Variants in ANKRD28 observed in about 807,000 individuals in gnomAD.
The protein encoded by ANKRD28 is ankyrin repeat domain 28, also known as serine/threonine-protein phosphatase 6 regulatory ankyrin repeat subunit A.
In ANKRD28, 44 loss-of-function variants were observed where a neutral mutation model predicts 126.5. The observed-to-expected ratio is 0.35, with a 90% CI of 0.27 to 0.45. ANKRD28 has a LOEUF of 0.45. Among genes scored for constraint, ANKRD28 ranks in the 20% least tolerant of loss-of-function variants. The pLI is 1.00. For synonymous variants in ANKRD28, 442 were observed against 468.5 expected (o/e 0.94, Z 0.73); for missense variants, 1,110 against 1,316.6 (o/e 0.84, Z 2.43).
chr3:15,735,306 T>G, intron 6 of ANKRD28, 104 bp downstream of exon 6: 1 of 957,760 alleles, frequency 1.0e-6, no homozygotes, highest in Non-Finnish European at 1.5e-6. Flanking sequence ...ACTGTGTAGC[T>G]TTTCAGTACC....
chr3:15,782,401 T>G (rs1460326838), intron 2 of ANKRD28, among the ~76,000 whole-genome samples: 3 of 152,222 alleles, frequency 2.0e-5, no homozygotes, highest in Non-Finnish European at 2.9e-5. Context: ...ACATTTATAA[T>G]GAAATTACAA....
At chr3:15,715,799 G>T (rs928589226) in intron 8 of ANKRD28, among the ~76,000 whole-genome samples, 2 of 151,828 alleles carry the variant, frequency 1.3e-5, no homozygotes, top group African/African-American at 2.4e-5. Flanking sequence ...AAAACACTCA[G>T]ATAACACATC....
chr3:15,800,986 G>T (rs1225789244), upstream of ANKRD28, among the ~76,000 whole-genome samples: 1 of 152,066 alleles, frequency 6.6e-6, no homozygotes, highest in Non-Finnish European at 1.5e-5. Flanking sequence ...TAGAAACAGA[G>T]AAAGTACTTC....
chr3:15,811,380 G>A (rs1048033721), intron 1 of ANKRD28, among the ~76,000 whole-genome samples: 1 of 152,212 alleles, frequency 6.6e-6, no homozygotes, highest in Non-Finnish European at 1.5e-5. Flanking sequence ...AATAGTATTT[G>A]TGAAATAAAA....
In ANKRD28 at chr3:15,852,599, C is replaced by T. The variant is rs528088848; in HGVS notation, c.27+6778G>A. On this transcript the variant is annotated intron_variant, in intron 1 of 27. Coordinates refer to the ANKRD28 transcript ENST00000399451. The stretch of plus-strand genomic sequence containing the variant: ...CTGTAATCCCAGCACTTTGGGAGGC[C>T]GAGGCGGGCGGATCACGAGGTCAGG... Among the ~76,000 whole-genome samples, 135 of 151,730 alleles carry T rather than the reference C, an allele frequency of 8.9e-4. 2 individuals are homozygous for T. The highest frequency in any genetic ancestry group is 5.8e-4 in the East Asian group (3 of 5,168).
rs1323268292 is a variant in ANKRD28 at position 15,786,016 on chromosome 3, T to A, written c.201+9207A>T. On this transcript the variant is annotated intron_variant, in intron 2 of 27. Coordinates refer to ENST00000683139, the MANE Select transcript of ANKRD28 (RefSeq NM_001349278.2). ...AACTATGGAGACAATGTAAAAAAAA[T>A]TACCAGGGACTGGGGGGAAGAACGA... 4.6e-5 allele frequency among the ~76,000 whole-genome samples: 7 copies of A among 151,706 alleles called. No individual in the cohort carries two copies. The East Asian group carries it at 1.4e-3, about 29-fold the overall frequency.
intron 4 of ANKRD28, among the ~76,000 whole-genome samples, chr3:15,749,005 G>T: frequency 6.6e-6 from 1 of 151,400 alleles, no homozygotes; most frequent in Admixed American, 6.6e-5. Context: ...AGTGCATTTT[G>T]CATGTCTCTA....
intron 1 of ANKRD28, among the ~76,000 whole-genome samples, chr3:15,828,629 C>T (rs2061121325): frequency 8.2e-6 from 1 of 121,460 alleles, no homozygotes; most frequent in Non-Finnish European, 1.6e-5. Context: ...CTTTCTATAA[C>T]ACCAGCTTAA....
Position 15,759,266 on chromosome 3 carries a change from CA to C in ANKRD28, c.280+6967del, listed in dbSNP as rs1369897170. On this transcript the variant is annotated intron_variant, in intron 3 of 27. Transcript: ENST00000683139. ...GAATTCTGCCTCTAGCTTTTACTAG[CA>C]GTATAAAAACTTTGAAAGTTTAAAA... Among the ~76,000 whole-genome samples the C allele has an allele frequency of 2.6e-5, 4 of 152,044 alleles. No homozygotes were observed. The East Asian group carries it at 7.7e-4, about 29-fold the overall frequency.
rs79007023 is a variant in ANKRD28, at chr3:15,707,841, C to A, written c.1547+83G>T. ...CAACAAAAAATACAAAGAGGAAACA[C>A]AAATTTGCAACAAAAACATCCATAT... On this transcript the variant is annotated intron_variant, in intron 14 of 27. Coordinates refer to ENST00000683139, the MANE Select transcript of ANKRD28 (RefSeq NM_001349278.2). 4.3e-3 allele frequency: 6,436 copies of A among 1,496,044 alleles called. 34 individuals carry two copies. Among genetic ancestry groups the A allele is most frequent in the East Asian group, 0.02 (844 of 42,884 alleles). 92.7% of individuals were successfully genotyped at this position (1,496,044 alleles called of 1,614,324 possible).
chr3:15,759,513 A>G (rs1361490024), intron 3 of ANKRD28, among the ~76,000 whole-genome samples: 1 of 152,180 alleles, frequency 6.6e-6, no homozygotes, highest in Admixed American at 6.5e-5. Flanking sequence ...GTGCCACGCC[A>G]AAAATTATAC....
At chr3:15,852,832 CAAAAAA>C (rs71064237) in intron 1 of ANKRD28, among the ~76,000 whole-genome samples, 3 of 64,012 alleles carry the variant, frequency 4.7e-5, no homozygotes, top group Admixed American at 4.0e-4. Flanking sequence ...GACTCTGTCT[CAAAAAA>C]AAAAAAAAAA....
intron 2 of ANKRD28, among the ~76,000 whole-genome samples, chr3:15,776,882 G>A (rs1397954751): frequency 6.6e-6 from 1 of 152,160 alleles, no homozygotes; most frequent in African/African-American, 2.4e-5. Context: ...AGAATTGACA[G>A]AAAACAAAAG....
At position 15,767,655 on chromosome 3, in the gene ANKRD28, G is replaced by A. The variant is rs2058803637; in HGVS notation, c.202-1343C>T. Among the ~76,000 whole-genome samples the A allele has an allele frequency of 1.4e-5, 2 of 138,814 alleles. 1 individual carries two copies. 91.1% of individuals were successfully genotyped at this position (138,814 alleles called of 152,430 possible). On this transcript the variant is annotated intron_variant, in intron 2 of 27. Transcript: ENST00000683139. ...GGTGGCGGGTGGATCACGAGGTCAGGAGATCGAGACCATCCTGGCTAACAC... is the reference window on the plus strand; with the variant it reads ...GGTGGCGGGTGGATCACGAGGTCAGAAGATCGAGACCATCCTGGCTAACAC...
chr3:15,776,171 G>C (rs1450034884), intron 2 of ANKRD28, among the ~76,000 whole-genome samples: 3 of 152,210 alleles, frequency 2.0e-5, no homozygotes, highest in Non-Finnish European at 4.4e-5. Flanking sequence ...CAAGAATGTG[G>C]TCCAAAGATG....
At chr3:15,781,829 G>A (rs1367831751) in intron 2 of ANKRD28, among the ~76,000 whole-genome samples, 1 of 152,114 alleles carries the variant, frequency 6.6e-6, no homozygotes, top group Non-Finnish European at 1.5e-5. Context: ...AGCGAACAAA[G>A]GGGCTGGAAT....
chr3:15,680,544 T>C (rs537263196), intron 21 of ANKRD28, among the ~76,000 whole-genome samples: 1 of 152,258 alleles, frequency 6.6e-6, no homozygotes, highest in East Asian at 1.9e-4. Context: ...AGCTTCACAG[T>C]ATCAAAGTAT....
chr3:15,737,266 G>T (rs747070805), intron 4 of ANKRD28, 33 bp from the exon 5 acceptor site: 3 of 1,564,780 alleles, frequency 1.9e-6, no homozygotes, highest in South Asian at 1.1e-5. Context: ...AAAGACAAAT[G>T]AGTTAAGAGT....
At position 15,674,831 on chromosome 3, in the gene ANKRD28, T is replaced by C. The variant is rs576297894; in HGVS notation, c.2965+1067A>G. Among the ~76,000 whole-genome samples the C allele has an allele frequency of 4.6e-5, 7 of 152,248 alleles. No homozygotes were observed. In the South Asian group the frequency reaches 1.2e-3, roughly 27 times the overall value. On this transcript the variant is annotated intron_variant, in intron 27 of 27. Coordinates refer to ENST00000683139, the MANE Select transcript of ANKRD28 (RefSeq NM_001349278.2). ...AAAATTTATCAAAGGAAACGATCAG[T>C]TGTGCCAAAAGCTGATCTATCAAGT...
Sources: allele counts gnomAD v4.1 joint callset (sites outside exome capture counted in the v4.1 genomes callset), GRCh38; gene constraint gnomAD v4.1.1; transcripts MANE v1.5; gene names NCBI Gene and HGNC (gene_info 2026-07-23, HGNC 2026-07-21).